ZNF705B: variants seen among roughly 807,000 people sequenced by gnomAD.
ZNF705B encodes the protein Putative zinc finger protein 705D-like protein LOC100132396.
Under a neutral mutation model 10.5 loss-of-function variants are expected in ZNF705B, and 1 was observed. The ratio of observed to expected loss-of-function variants is 0.10; its 90% CI spans 0.03 to 0.45. ZNF705B has a LOEUF of 0.45. ZNF705B is among the 20% of genes least tolerant of loss of function. ZNF705B has a pLI of 0.97. For missense variants in ZNF705B, 14 were observed against 84.0 expected (o/e 0.17, Z 3.26); for synonymous variants, 4 against 25.4 (o/e 0.16, Z 2.53).
rs1326222048 is a variant in ZNF705B at position 7,930,213 on chromosome 8, A to T, written c.-221-74A>T. The T allele has an allele frequency of 1.7e-5, 2 of 118,162 alleles. 1 individual carries two copies. The highest frequency in any genetic ancestry group is 4.0e-5 in the Non-Finnish European group (2 of 49,582). The allele number at this position is 118,162 out of a possible 1,614,324, so 7.3% of individuals were successfully genotyped here. A position where few individuals can be genotyped will look rare whatever the true frequency, so the allele number is the denominator to read the frequency against. On this transcript the variant is annotated intron_variant, in intron 1 of 6. Transcript: ENST00000400120. ...TCTGCTCAATGCTTACCTCTTATTTATAAGTGAGAATGTGCAATATTTGGT... is the reference window on the plus strand; with the variant it reads ...TCTGCTCAATGCTTACCTCTTATTTTTAAGTGAGAATGTGCAATATTTGGT...
intron 2 of ZNF705B, among the ~76,000 whole-genome samples, chr8:7,935,506 G>C (rs1472021031): frequency 1.2e-5 from 1 of 86,444 alleles, no homozygotes; most frequent in East Asian, 3.3e-4. Context: ...ATAAAAACCA[G>C]CACTTTTTTT....
rs2739883 is a variant in ZNF705B at position 7,927,316 on chromosome 8, C to T, written c.-222+919C>T. On this transcript the variant is annotated intron_variant, in intron 1 of 6. Coordinates refer to ENST00000400120, the MANE Select transcript of ZNF705B (RefSeq NM_001193630.1). Reference sequence around the variant, plus strand: ...GGGATTTTTTTGAGACATTCCAGGCCTTATGGAGGAAAGTAGTATCTTGTG... The same window carrying T: ...GGGATTTTTTTGAGACATTCCAGGCTTTATGGAGGAAAGTAGTATCTTGTG... 9.8e-4 allele frequency among the ~76,000 whole-genome samples: 117 copies of T among 119,594 alleles called. 1 individual carries two copies. Among genetic ancestry groups the T allele is most frequent in the African/African-American group, 2.7e-3 (104 of 39,034 alleles). 78.5% of individuals were successfully genotyped at this position (119,594 alleles called of 152,430 possible).
intron 2 of ZNF705B, among the ~76,000 whole-genome samples, chr8:7,930,846 G>GTTTTTTTTTT (rs5889212): frequency 2.7e-5 from 2 of 72,786 alleles, no homozygotes; most frequent in Non-Finnish European, 3.8e-5. Context: ...TATTTTTTTT[G>GTTTTTTTTTT]TTTTTTTTTT....
At chr8:7,936,634 A>G (rs1174730967) in intron 2 of ZNF705B, among the ~76,000 whole-genome samples, 1 of 119,422 alleles carries the variant, frequency 8.4e-6, no homozygotes, top group Non-Finnish European at 2.0e-5. Flanking sequence ...GAAGACAAAT[A>G]CCACATATTC....
intron 2 of ZNF705B, among the ~76,000 whole-genome samples, chr8:7,933,104 T>A (rs1443556854): frequency 4.3e-5 from 5 of 115,686 alleles, no homozygotes; most frequent in African/African-American, 1.3e-4. Context: ...AGGGAGATTA[T>A]CTTAGATTAT....
At chr8:7,928,473 C>A (rs1819757016) in intron 1 of ZNF705B, among the ~76,000 whole-genome samples, 1 of 120,506 alleles carries the variant, frequency 8.3e-6, no homozygotes, top group African/African-American at 2.5e-5. Context: ...GTAAGGTAAC[C>A]AGACAGTGCT....
chr8:7,933,015 G>A lies in ZNF705B; in HGVS notation c.-72+2579G>A, dbSNP rs548972724. On this transcript the variant is annotated intron_variant, in intron 2 of 6. Coordinates refer to ENST00000400120, the MANE Select transcript of ZNF705B (RefSeq NM_001193630.1). ...ATCCACATCCTAACTCCTGGGTCCTGTGAATGTGCCACCTTGTAAGCAAAG... is the reference window on the plus strand; with the variant it reads ...ATCCACATCCTAACTCCTGGGTCCTATGAATGTGCCACCTTGTAAGCAAAG... Among the ~76,000 whole-genome samples the A allele has an allele frequency of 1.1e-3, 130 of 118,064 alleles. 13 individuals are homozygous for A. The highest frequency in any genetic ancestry group is 3.0e-3 in the African/African-American group (120 of 39,438). The allele number at this position is 118,064 out of a possible 152,430, so 77.5% of individuals were successfully genotyped here.
chr8:7,940,756 C>G (rs531981110), intron 2 of ZNF705B, among the ~76,000 whole-genome samples: 6 of 143,728 alleles, frequency 4.2e-5, no homozygotes, highest in Non-Finnish European at 3.1e-5. Flanking sequence ...CATGTTGTCA[C>G]AAATGACAGG....
intron 2 of ZNF705B, among the ~76,000 whole-genome samples, chr8:7,941,377 A>G (rs1820159090): frequency 8.5e-6 from 1 of 117,224 alleles, no homozygotes; most frequent in Non-Finnish European, 1.9e-5. Context: ...TTTTTGAGAA[A>G]CCTTCATACT....
chr8:7,928,143 G>A (rs185468030), intron 1 of ZNF705B, among the ~76,000 whole-genome samples: 3 of 113,644 alleles, frequency 2.6e-5, no homozygotes, highest in Non-Finnish European at 4.2e-5. Context: ...GTGATGTTAT[G>A]TGGTGAAAGG....
intron 2 of ZNF705B, among the ~76,000 whole-genome samples, chr8:7,942,220 T>A (rs1210674333): frequency 5.3e-5 from 2 of 38,008 alleles, no homozygotes; most frequent in African/African-American, 1.3e-4. Flanking sequence ...AGGACATAAT[T>A]TTTTTATGGT....
rs1229045614 is a variant in ZNF705B at position 7,936,597 on chromosome 8, A to G, written c.-72+6161A>G. Among the ~76,000 whole-genome samples, 8 of 120,126 alleles carry G rather than the reference A, an allele frequency of 6.7e-5. 1 individual carries two copies. The highest frequency in any genetic ancestry group is 8.1e-3 in the Middle Eastern group (2 of 248). 78.8% of individuals were successfully genotyped at this position (120,126 alleles called of 152,430 possible). ...AACATGGATGCAGCTGGAGGACTTTATTCTAAGCAAATTAGCTCAAGAACA... is the reference window on the plus strand; with the variant it reads ...AACATGGATGCAGCTGGAGGACTTTGTTCTAAGCAAATTAGCTCAAGAACA... On this transcript the variant is annotated intron_variant, in intron 2 of 6. Transcript: ENST00000400120.
intron 2 of ZNF705B, among the ~76,000 whole-genome samples, chr8:7,932,883 A>G (rs1251154608): frequency 2.9e-5 from 3 of 104,400 alleles, no homozygotes; most frequent in African/African-American, 8.0e-5. Flanking sequence ...CTCTTCACAC[A>G]AAGCCACTAA....
At chr8:7,933,974 TC>T (rs1563493751) in intron 2 of ZNF705B, among the ~76,000 whole-genome samples, 6 of 127,566 alleles carry the variant, frequency 4.7e-5, no homozygotes, top group Non-Finnish European at 1.0e-4. Flanking sequence ...AGTGTCTTAC[TC>T]TGTCACCCAG....
At chr8:7,934,708 G>GTGTGTGTA in intron 2 of ZNF705B, 1 of 101,110 alleles carries the variant, frequency 9.9e-6, no homozygotes, top group African/African-American at 5.9e-5. Flanking sequence ...GTGTGTGTGT[G>GTGTGTGTA]TGTGTGTGTG....
rs1362038141 is a variant in ZNF705B at position 7,930,283 on chromosome 8, C to T, written c.-221-4C>T. Reference sequence around the variant, plus strand: ...TTCCCAGCTGAATTCAAACTCATTCCCAGATCACTTGTCCTCCTCAATTGA... The same window carrying T: ...TTCCCAGCTGAATTCAAACTCATTCTCAGATCACTTGTCCTCCTCAATTGA... On this transcript the variant is annotated splice_polypyrimidine_tract_variant and splice_region_variant and intron_variant, in intron 1 of 6. Coordinates refer to ENST00000400120, the MANE Select transcript of ZNF705B (RefSeq NM_001193630.1). The T allele has an allele frequency of 9.4e-6, 1 of 106,046 alleles. No individual in the cohort carries two copies. The highest frequency in any genetic ancestry group is 2.2e-5 in the Non-Finnish European group (1 of 44,454). 6.6% of individuals were successfully genotyped at this position (106,046 alleles called of 1,614,324 possible).
rs1223379390 is a variant in ZNF705B at position 7,929,190 on chromosome 8, AT to A, written c.-221-1094del. Among the ~76,000 whole-genome samples, 5 of 122,082 alleles carry A rather than the reference AT, an allele frequency of 4.1e-5. No individual in the cohort carries two copies. In the Admixed American group the frequency reaches 4.6e-4, roughly 11 times the overall value. The allele number at this position is 122,082 out of a possible 152,430, so 80.1% of individuals were successfully genotyped here. Reference sequence around the variant, plus strand: ...TGTCAGTCGTATTAAATATTGGTTAATTTAATCCATAGATGTGTGGAAAGAG... The same window carrying A: ...TGTCAGTCGTATTAAATATTGGTTAATTAATCCATAGATGTGTGGAAAGAG... On this transcript the variant is annotated intron_variant, in intron 1 of 6. Coordinates refer to ENST00000400120, the MANE Select transcript of ZNF705B (RefSeq NM_001193630.1).
chr8:7,933,961 G>A (rs1178751287), intron 2 of ZNF705B, among the ~76,000 whole-genome samples: 24 of 65,274 alleles, frequency 3.7e-4, no homozygotes, highest in East Asian at 3.5e-3. Flanking sequence ...TTTTTTTTGA[G>A]ACAGTGTCTT....
At chr8:7,931,312 A>C (rs1308389903) in intron 2 of ZNF705B, among the ~76,000 whole-genome samples, 1 of 121,726 alleles carries the variant, frequency 8.2e-6, no homozygotes, top group Non-Finnish European at 2.0e-5. Flanking sequence ...CATGATGGAC[A>C]GAGTAGTCCT....
Sources: allele counts gnomAD v4.1 joint callset (sites outside exome capture counted in the v4.1 genomes callset), GRCh38; gene constraint gnomAD v4.1.1; transcripts MANE v1.5; gene names NCBI Gene and HGNC (gene_info 2026-07-23, HGNC 2026-07-21).